CDH3: variants seen among roughly 807,000 people sequenced by gnomAD.
The protein encoded by CDH3 is cadherin 3.
Under a neutral mutation model 82.0 loss-of-function variants are expected in CDH3, and 54 were observed. That is an observed-to-expected ratio of 0.66 (90% CI 0.53 to 0.83). The LOEUF (loss-of-function observed/expected upper bound fraction) is 0.83. Ranked by LOEUF, CDH3 falls within the 40% of genes least tolerant of loss-of-function variation. The pLI is 0.00. For synonymous variants in CDH3, 446 were observed against 437.9 expected (o/e 1.02, Z -0.23); for missense variants, 1,054 against 1,084.6 (o/e 0.97, Z 0.40).
the CDH3 span, among the ~76,000 whole-genome samples, chr16:68,732,566 G>A: frequency 2.0e-5 from 3 of 152,226 alleles, no homozygotes; most frequent in Admixed American, 6.5e-5. Context: ...GAAGGGCAAG[G>A]CCTCTGGCCA....
At chr16:68,708,970 G>T (rs1196087534) in intron 1 of CDH3, among the ~76,000 whole-genome samples, 2 of 151,728 alleles carry the variant, frequency 1.3e-5, no homozygotes, top group South Asian at 4.2e-4. Flanking sequence ...TTAGGTACTG[G>T]GTTTCACTAT....
At chr16:68,681,147 T>A (rs774935268) in intron 8 of CDH3, 51 bp downstream of exon 8, 1 of 1,609,298 alleles carries the variant, frequency 6.2e-7, no homozygotes, top group Non-Finnish European at 8.5e-7. Context: ...AGGACCAAAG[T>A]TTGCCTTTCT....
chr16:68,682,232 A>T, intron 8 of CDH3, 70 bp from the exon 9 acceptor site: 3 of 1,527,314 alleles, frequency 2.0e-6, no homozygotes, highest in Non-Finnish European at 1.8e-6. Flanking sequence ...GGTTGGATGG[A>T]GGCTTCTCAG....
At chr16:68,663,567 C>T (rs1473991312) in intron 2 of CDH3, among the ~76,000 whole-genome samples, 1 of 151,920 alleles carries the variant, frequency 6.6e-6, no homozygotes, top group Non-Finnish European at 1.5e-5. Context: ...TTCAAATGTA[C>T]TATGCTGTTG....
chr16:68,732,160 C>A (rs1406283583), downstream of CDH3, among the ~76,000 whole-genome samples: 2 of 151,918 alleles, frequency 1.3e-5, no homozygotes, highest in East Asian at 3.9e-4. Context: ...GGCAGCCCAG[C>A]CCAGCAGAGG....
Position 68,667,986 on chromosome 16 carries a change from C to G in CDH3, c.161-8399C>G, listed in dbSNP as rs16958269. On this transcript the variant is annotated intron_variant, in intron 2 of 15. Coordinates refer to ENST00000264012, the MANE Select transcript of CDH3 (RefSeq NM_001793.6). ...GCCTCAGGTTACTGATTCCCTTTTT[C>G]CCTTCCCCGACAGTATTTTAGGGAA... is the stretch of plus-strand genomic sequence containing the variant. Among the ~76,000 whole-genome samples, 1,240 of 152,148 alleles carry G rather than the reference C, an allele frequency of 8.1e-3. 12 individuals are homozygous for G. The highest frequency in any genetic ancestry group is 0.027 in the African/African-American group (1,138 of 41,556).
At chr16:68,728,800 A>G (rs138570757), downstream of CDH3, among the ~76,000 whole-genome samples, 524 of 152,302 alleles carry the variant, frequency 3.4e-3, 7 homozygotes, top group African/African-American at 0.012. Flanking sequence ...GCTGACACCT[A>G]CAGAAGCTTA....
At chr16:68,682,878 C>G (rs1282538803) in intron 9 of CDH3, among the ~76,000 whole-genome samples, 1 of 152,200 alleles carries the variant, frequency 6.6e-6, no homozygotes, top group Non-Finnish European at 1.5e-5. Flanking sequence ...GAGGCACACT[C>G]TTGCCTCTCA....
chr16:68,690,963 T>C (rs1368301507), intron 12 of CDH3, among the ~76,000 whole-genome samples: 1 of 152,014 alleles, frequency 6.6e-6, no homozygotes, highest in African/African-American at 2.4e-5. Context: ...TTGGGCTAGC[T>C]ATCAGCTGCT....
At chr16:68,730,734 A>G (rs1464495720), downstream of CDH3, among the ~76,000 whole-genome samples, 1 of 151,706 alleles carries the variant, frequency 6.6e-6, no homozygotes, top group Non-Finnish European at 1.5e-5. Context: ...TTAAAATATT[A>G]TTTGGGCCGG....
At chr16:68,710,387 T>C (rs533538803) in intron 1 of CDH3, among the ~76,000 whole-genome samples, 1 of 152,238 alleles carries the variant, frequency 6.6e-6, no homozygotes, top group Admixed American at 6.5e-5. Context: ...GGGGTAGTTA[T>C]GCCATCTCAG....
intron 1 of CDH3, among the ~76,000 whole-genome samples, chr16:68,716,904 T>C (rs533573986): frequency 2.5e-4 from 38 of 151,164 alleles, no homozygotes; most frequent in Non-Finnish European, 4.3e-4. Flanking sequence ...TCTTTTTTTT[T>C]TTTTTTTAAG....
At chr16:68,720,616 G>C (rs1962150397) in intron 1 of CDH3, among the ~76,000 whole-genome samples, 1 of 102,498 alleles carries the variant, frequency 9.8e-6, no homozygotes, top group East Asian at 3.0e-4. Flanking sequence ...TCTTTATTAA[G>C]TCTTTTTTTT....
Position 68,685,199 on chromosome 16 carries a change from C to A in CDH3, c.1425-6C>A. On this transcript the variant is annotated splice_region_variant and splice_polypyrimidine_tract_variant and intron_variant, in intron 10 of 15. Transcript: ENST00000264012. ...GGATGTACTCGTCTCAACTTTTCCT[C>A]TCCAGCTACCGCATCCTGAGAGACC... 6.2e-7 allele frequency: 1 copy of A among 1,614,068 alleles called. No individual in the cohort carries two copies.
rs182603708 is a variant in CDH3, at chr16:68,677,113, G to A, written c.246+643G>A. On this transcript the variant is annotated intron_variant, in intron 3 of 15. Coordinates refer to ENST00000264012, the MANE Select transcript of CDH3 (RefSeq NM_001793.6). ...CATGTTTTTACATGTTACCTATTTC[G>A]TATATATACATATATAAAAACAGAT... Among the ~76,000 whole-genome samples, 603 of 151,936 alleles carry A rather than the reference G, an allele frequency of 4.0e-3. 2 individuals are homozygous for A. Among genetic ancestry groups the A allele is most frequent in the Middle Eastern group, 6.8e-3 (2 of 292 alleles).
intron 13 of CDH3, among the ~76,000 whole-genome samples, chr16:68,692,687 T>C (rs1408961304): frequency 6.6e-6 from 1 of 152,240 alleles, no homozygotes; most frequent in Non-Finnish European, 1.5e-5. Flanking sequence ...AAATGTTTAG[T>C]TAAAAACAAA....
Position 68,645,631 on chromosome 16 carries a change from C to T in CDH3, c.46-5C>T, listed in dbSNP as rs1370850973. 2.6e-6 allele frequency: 4 copies of T among 1,540,320 alleles called. No homozygotes were observed. The highest frequency in any genetic ancestry group is 1.2e-5 in the South Asian group (1 of 83,956). On this transcript the variant is annotated splice_region_variant and splice_polypyrimidine_tract_variant and intron_variant, in intron 1 of 15. Transcript: ENST00000264012. ...GCCTCCTTCACTCTCTGCCCTCGGG[C>T]GCAGGTTTGCTGGCTGCAGTGCGCG...
At chr16:68,714,419 G>C (rs868293576) in intron 1 of CDH3, among the ~76,000 whole-genome samples, 11 of 152,288 alleles carry the variant, frequency 7.2e-5, no homozygotes, top group Admixed American at 2.0e-4. Flanking sequence ...TTAATGGCTG[G>C]TCTCTAGTCT....
chr16:68,710,924 A>C (rs1962018451), intron 1 of CDH3, among the ~76,000 whole-genome samples: 1 of 131,562 alleles, frequency 7.6e-6, no homozygotes, highest in Non-Finnish European at 1.6e-5. Context: ...GGAGAGAGGG[A>C]AGGAGAGAAG....
Sources: gnomAD v4.1 joint callset for allele counts (sites outside exome capture counted in the v4.1 genomes callset) on GRCh38, gnomAD v4.1.1 for gene constraint, MANE v1.5 for transcripts, NCBI Gene and HGNC (gene_info 2026-07-23, HGNC 2026-07-21) for gene names.